PDE2A: variants seen among roughly 807,000 people sequenced by gnomAD.
PDE2A encodes phosphodiesterase 2A.
A neutral mutation model predicts 133.6 loss-of-function variants in PDE2A; 53 were observed. The observed-to-expected ratio is 0.40, with a 90% CI of 0.32 to 0.50. The LOEUF (loss-of-function observed/expected upper bound fraction) is 0.50, where lower values mean the gene tolerates loss of function less well. Among genes scored for constraint, PDE2A ranks in the 20% least tolerant of loss-of-function variants. The probability of loss-of-function intolerance (pLI) is 0.73; values close to 1 mark genes in which losing one functional copy is unlikely to be tolerated. For missense variants in PDE2A, 796 were observed against 1,232.4 expected (o/e 0.65, Z 5.30); for synonymous variants, 491 against 490.2 (o/e 1.00, Z -0.02).
intron 2 of PDE2A, among the ~76,000 whole-genome samples, chr11:72,641,714 A>G (rs933069524): frequency 6.6e-6 from 1 of 152,094 alleles, no homozygotes; most frequent in Non-Finnish European, 1.5e-5. Flanking sequence ...CCCTGATGGA[A>G]GGAGAGATTT....
At chr11:72,636,026 C>G in intron 2 of PDE2A, 2 of 1,265,506 alleles carry the variant, frequency 1.6e-6, no homozygotes, top group Non-Finnish European at 2.1e-6. Context: ...CCAGTGGCAG[C>G]CCCCAGTAGA....
intron 2 of PDE2A, among the ~76,000 whole-genome samples, chr11:72,640,108 T>G (rs1037552941): frequency 6.6e-6 from 1 of 151,214 alleles, no homozygotes; most frequent in South Asian, 2.1e-4. Context: ...GATCACATAA[T>G]TCACACGTCA....
chr11:72,608,339 C>T (rs1206376548), intron 3 of PDE2A, among the ~76,000 whole-genome samples: 1 of 152,214 alleles, frequency 6.6e-6, no homozygotes, highest in Non-Finnish European at 1.5e-5. Context: ...CAAAACTCAG[C>T]TGGCTCCACC....
chr11:72,619,133 G>A (rs1428449824), intron 2 of PDE2A, among the ~76,000 whole-genome samples: 1 of 152,212 alleles, frequency 6.6e-6, no homozygotes, highest in African/African-American at 2.4e-5. Flanking sequence ...TTGTGAATCT[G>A]TGGGTGCCTT....
chr11:72,646,131 C>T (rs1249258514), intron 1 of PDE2A, among the ~76,000 whole-genome samples: 1 of 152,186 alleles, frequency 6.6e-6, no homozygotes, highest in African/African-American at 2.4e-5. Flanking sequence ...CCCAGCTTTC[C>T]TCCCAGCTCC....
chr11:72,641,623 A>T (rs1858956019), intron 2 of PDE2A, among the ~76,000 whole-genome samples: 1 of 152,102 alleles, frequency 6.6e-6, no homozygotes, highest in Non-Finnish European at 1.5e-5. Flanking sequence ...GGGGCCCCCC[A>T]CGAGGAAAGA....
At chr11:72,671,483 T>A (rs1390472764) in intron 1 of PDE2A, among the ~76,000 whole-genome samples, 2 of 151,304 alleles carry the variant, frequency 1.3e-5, no homozygotes, top group Non-Finnish European at 2.9e-5. Flanking sequence ...TGGGAGCTCT[T>A]CCCCCCACCC....
At chr11:72,613,123 C>T (rs1857292381) in intron 2 of PDE2A, among the ~76,000 whole-genome samples, 1 of 152,188 alleles carries the variant, frequency 6.6e-6, no homozygotes, top group African/African-American at 2.4e-5. Context: ...GTTTCATCTT[C>T]ATGAGTCTCT....
Position 72,579,588 on chromosome 11 carries a change from G to T in PDE2A, c.2202C>A (p.Ala734=). ...AGCCGTGGGTGTTGAGGATGGCGATGGCCTGAGCAAAGTGGTGCCTCTGGG... is the reference window on the plus strand; with the variant it reads ...AGCCGTGGGTGTTGAGGATGGCGATTGCCTGAGCAAAGTGGTGCCTCTGGG... ...SVMERHHFAQ[A]IAILNTHGCN... The change falls in exon 26 of 31, where the codon GCC becomes GCA. Residue 734 remains alanine (A), a synonymous_variant. Coordinates refer to ENST00000334456, the MANE Select transcript of PDE2A (RefSeq NM_002599.5). The T allele has an allele frequency of 6.2e-7, 1 of 1,609,978 alleles. No individual in the cohort carries two copies. The highest frequency in any genetic ancestry group is 8.5e-7 in the Non-Finnish European group (1 of 1,177,968).
chr11:72,637,695 T>A (rs898214812), intron 2 of PDE2A, among the ~76,000 whole-genome samples: 5 of 152,230 alleles, frequency 3.3e-5, no homozygotes, highest in African/African-American at 1.2e-4. Flanking sequence ...GGGGACTCAG[T>A]GCCTCGGGCT....
chr11:72,600,670 C>T (rs1856702382), intron 4 of PDE2A, among the ~76,000 whole-genome samples: 1 of 152,184 alleles, frequency 6.6e-6, no homozygotes, highest in African/African-American at 2.4e-5. Flanking sequence ...CAGAGCCGCT[C>T]CCTGCTCCTC....
At position 72,642,228 on chromosome 11, in the gene PDE2A, G is replaced by C. The variant is rs1018898744; in HGVS notation, c.144+26C>G. On this transcript the variant is annotated intron_variant, in intron 2 of 30. Coordinates refer to ENST00000334456, the MANE Select transcript of PDE2A (RefSeq NM_002599.5). ...CGCTCGCCGGACACCCCGTTCTCCT[G>C]GTGCCCAGCGCGGGGGCCCCCCTAC... 5.4e-6 allele frequency: 8 copies of C among 1,477,500 alleles called. No individual in the cohort carries two copies. In the South Asian group the frequency reaches 8.3e-5, roughly 15 times the overall value. The allele number at this position is 1,477,500 out of a possible 1,614,324, so 91.5% of individuals were successfully genotyped here.
At chr11:72,609,367 G>C (rs946852870) in intron 2 of PDE2A, among the ~76,000 whole-genome samples, 1 of 152,156 alleles carries the variant, frequency 6.6e-6, no homozygotes, top group East Asian at 1.9e-4. Flanking sequence ...GCTGGGTCCC[G>C]CTCACTTTCC....
chr11:72,630,580 T>C (rs924383402), intron 2 of PDE2A, among the ~76,000 whole-genome samples: 7 of 48,720 alleles, frequency 1.4e-4, no homozygotes, highest in Admixed American at 4.9e-4. Flanking sequence ...GGAGGGGGCA[T>C]GGGGGTGGGG....
intron 18 of PDE2A, 64 bp downstream of exon 18, chr11:72,584,487 C>G (rs777888819): frequency 1.2e-5 from 18 of 1,517,802 alleles, no homozygotes; most frequent in East Asian, 4.9e-5. Flanking sequence ...TTGCCACCCC[C>G]GCTCGCTCGG....
Position 72,608,733 on chromosome 11 carries a change from C to T in PDE2A, c.163G>A (p.Gly55Ser). ...AGGCCTGAAATGTCGATGACAGAGC[C>T]CAGACTCAGCAAGGCGTCCTGGAAG... ...DSLQDALLSL[G>S]SVIDISGLQR... is the part of the protein sequence containing the mutation. The change falls in exon 3 of 31, where the codon GGC becomes AGC. Residue 55 changes from glycine to serine, a missense_variant. Transcript: ENST00000334456. 6.4e-7 allele frequency: 1 copy of T among 1,565,562 alleles called. No individual in the cohort carries two copies. The highest frequency in any genetic ancestry group is 8.7e-7 in the Non-Finnish European group (1 of 1,152,720).
chr11:72,590,143 C>A lies in PDE2A; in HGVS notation c.756+49G>T, dbSNP rs1205876975. On this transcript the variant is annotated intron_variant, in intron 9 of 30. Coordinates refer to ENST00000334456, the MANE Select transcript of PDE2A (RefSeq NM_002599.5). This position sits in a 1 kb window ranked among gnomAD's most constrained non-coding sequence, Gnocchi z 4.8. ...GAGGGCTCAAGGGGAAGTTGGTCCC[C>A]GGAGGGAGACAGGACGGGGAGGTGG... The A allele has an allele frequency of 4.6e-6, 7 of 1,515,672 alleles. No individual in the cohort carries two copies. Among genetic ancestry groups the A allele is most frequent in the Non-Finnish European group, 6.3e-6 (7 of 1,117,598 alleles). The allele number at this position is 1,515,672 out of a possible 1,614,324, so 93.9% of individuals were successfully genotyped here.
At chr11:72,634,706 C>T (rs1858594531) in intron 2 of PDE2A, among the ~76,000 whole-genome samples, 1 of 152,214 alleles carries the variant, frequency 6.6e-6, no homozygotes, top group African/African-American at 2.4e-5. Flanking sequence ...GGCCTTCTGC[C>T]AGGCTGGACT....
intron 1 of PDE2A, among the ~76,000 whole-genome samples, chr11:72,655,649 C>T (rs1299548628): frequency 6.6e-6 from 1 of 152,206 alleles, no homozygotes; most frequent in African/African-American, 2.4e-5. Flanking sequence ...ATGCAAGTCA[C>T]TTAACCTCTC....
Sources: gnomAD v4.1 joint callset for allele counts (sites outside exome capture counted in the v4.1 genomes callset) on GRCh38, gnomAD v4.1.1 for gene constraint, Gnocchi (gnomAD v3.1) non-coding constraint, MANE v1.5 for transcripts, NCBI Gene and HGNC (gene_info 2026-07-23, HGNC 2026-07-21) for gene names.